Variants in MACROH2A2 observed in about 807,000 individuals in gnomAD.
MACROH2A2 encodes the protein core histone macro-H2A.2.
MACROH2A2 carries 6 observed loss-of-function variants against 37.6 expected under a neutral mutation model. The observed-to-expected ratio is 0.16, with a 90% CI of 0.09 to 0.32. The LOEUF (loss-of-function observed/expected upper bound fraction) is 0.32. MACROH2A2 is among the 10% of genes least tolerant of loss of function. The pLI is 1.00. For synonymous variants in MACROH2A2, 192 were observed against 202.7 expected, an observed-to-expected ratio of 0.95 and a Z score of 0.45; for missense variants, 290 against 485.9, an observed-to-expected ratio of 0.60 and a Z score of 3.79.
chr10:70,095,854 G>T, intron 6 of MACROH2A2, 101 bp downstream of exon 6: 1 of 656,642 alleles, frequency 1.5e-6, no homozygotes, highest in Non-Finnish European at 2.8e-6. Context: ...CCTCCGCTGG[G>T]GTCCCATGTC....
Position 70,109,178 on chromosome 10 carries a change from C to G in MACROH2A2, c.924C>G (p.Ser308=), listed in dbSNP as rs114660578. 3.9e-3 allele frequency: 6,365 copies of G among 1,614,090 alleles called. 18 individuals are homozygous for G. Among genetic ancestry groups the G allele is most frequent in the Non-Finnish European group, 4.6e-3 (5,453 of 1,179,954 alleles). The change falls in exon 8 of 9, where the codon TCC becomes TCG. Residue 308 remains serine, a synonymous_variant. Transcript: ENST00000373255. ...CGGCGGAGGACAAGAAGCTAAAGTC[C>G]GTCGCGTTCCCGCCTTTCCCCAGCG... is the stretch of plus-strand genomic sequence containing the variant. ...LSAAEDKKLK[S]VAFPPFPSGR...
At chr10:70,070,114 C>T (rs2072100579) in intron 1 of MACROH2A2, among the ~76,000 whole-genome samples, 2 of 152,162 alleles carry the variant, frequency 1.3e-5, no homozygotes, top group South Asian at 4.1e-4. Context: ...TGTCCAGGGA[C>T]CTCACAGCCC....
At chr10:70,081,714 G>C (rs1017870099) in intron 2 of MACROH2A2, among the ~76,000 whole-genome samples, 2 of 152,108 alleles carry the variant, frequency 1.3e-5, no homozygotes, top group African/African-American at 2.4e-5. Context: ...GGAGACAGAG[G>C]GGGTGGGGAC....
intron 2 of MACROH2A2, among the ~76,000 whole-genome samples, chr10:70,077,490 A>C (rs2072146464): frequency 6.6e-6 from 1 of 152,140 alleles, no homozygotes; most frequent in Admixed American, 6.5e-5. Context: ...CTGAGGCAGG[A>C]GAATCACTTG....
At chr10:70,058,421 A>C (rs1468631540) in intron 1 of MACROH2A2, among the ~76,000 whole-genome samples, 1 of 152,248 alleles carries the variant, frequency 6.6e-6, no homozygotes, top group African/African-American at 2.4e-5. Context: ...GAAGGGTTAG[A>C]TACACTGACC....
At chr10:70,070,707 C>A (rs1454802868) in intron 1 of MACROH2A2, among the ~76,000 whole-genome samples, 4 of 152,118 alleles carry the variant, frequency 2.6e-5, no homozygotes, top group African/African-American at 9.7e-5. Context: ...TGCCCAGGCT[C>A]AAACTCCTGA....
intron 1 of MACROH2A2, among the ~76,000 whole-genome samples, chr10:70,074,613 G>T (rs1347932701): frequency 2.0e-5 from 3 of 152,186 alleles, no homozygotes; most frequent in Non-Finnish European, 4.4e-5. Context: ...CCTGGTGGGA[G>T]ATAATTGAAT....
intron 1 of MACROH2A2, among the ~76,000 whole-genome samples, chr10:70,054,870 A>T (rs567277176): frequency 7.6e-4 from 116 of 152,284 alleles, no homozygotes; most frequent in African/African-American, 2.6e-3. Context: ...AAACATGCCC[A>T]GTTCTCCTCT....
At chr10:70,066,457 T>C (rs1242685470) in intron 1 of MACROH2A2, among the ~76,000 whole-genome samples, 1 of 152,128 alleles carries the variant, frequency 6.6e-6, no homozygotes, top group East Asian at 1.9e-4. Flanking sequence ...ACAGAGAAGA[T>C]AGGTCCCAGA....
intron 4 of MACROH2A2, among the ~76,000 whole-genome samples, chr10:70,092,422 G>A (rs559717650): frequency 9.2e-5 from 14 of 152,218 alleles, no homozygotes; most frequent in African/African-American, 3.4e-4. Flanking sequence ...GACAGCGCAA[G>A]ACCCTGTCTC....
At chr10:70,105,268 G>T (rs985688310) in intron 7 of MACROH2A2, among the ~76,000 whole-genome samples, 2 of 152,206 alleles carry the variant, frequency 1.3e-5, no homozygotes, top group Admixed American at 6.5e-5. Flanking sequence ...GCTGTCGGGC[G>T]CAGGCATCAG....
chr10:70,075,910 A>T lies in MACROH2A2; in HGVS notation c.172+80A>T. ...GGTCCCCCTCGCAGGCTGGGGAGGGATGCTCCAAATTGCCTTTTGGCTGGC... is the reference window on the plus strand; with the variant it reads ...GGTCCCCCTCGCAGGCTGGGGAGGGTTGCTCCAAATTGCCTTTTGGCTGGC... On this transcript the variant is annotated intron_variant, in intron 2 of 8. Coordinates refer to ENST00000373255, the MANE Select transcript of MACROH2A2 (RefSeq NM_018649.3). The surrounding 1 kb of genome is among the most constrained non-coding windows in gnomAD (Gnocchi z 5.0). The T allele has an allele frequency of 8.1e-7, 1 of 1,228,326 alleles. No individual in the cohort carries two copies. The highest frequency in any genetic ancestry group is 1.5e-5 in the African/African-American group (1 of 67,120). The allele number at this position is 1,228,326 out of a possible 1,614,324, so 76.1% of individuals were successfully genotyped here. A position where few individuals can be genotyped will look rare whatever the true frequency, so the allele number is the denominator to read the frequency against.
chr10:70,071,759 T>C (rs1204178408), intron 1 of MACROH2A2, among the ~76,000 whole-genome samples: 2 of 152,142 alleles, frequency 1.3e-5, no homozygotes, highest in Admixed American at 6.5e-5. Flanking sequence ...TGATGGTAAG[T>C]TTTTGTGTCT....
Position 70,070,012 on chromosome 10 carries a change from G to A in MACROH2A2, c.-59-5588G>A, listed in dbSNP as rs575267530. On this transcript the variant is annotated intron_variant, in intron 1 of 8. Coordinates refer to ENST00000373255, the MANE Select transcript of MACROH2A2 (RefSeq NM_018649.3). ...CAGAGGCTCAGCACTTCCTCCCGTC[G>A]GTGGGCTCTGGTAGATGTAACATGT... Among the ~76,000 whole-genome samples the A allele has an allele frequency of 2.8e-4, 43 of 152,240 alleles. No homozygotes were observed. In the South Asian group the frequency reaches 4.2e-3, roughly 15 times the overall value.
rs1170394309 is a variant in MACROH2A2 at position 70,107,218 on chromosome 10, C to T, written c.779-1815C>T. ...TGGAAGGCAGGGAGCCTACAGCCTC[C>T]CCTGATGGACGAAGGGGTCCCTTGG... is the stretch of plus-strand genomic sequence containing the variant. On this transcript the variant is annotated intron_variant, in intron 7 of 8. Transcript: ENST00000373255. This position sits in a 1 kb window ranked among gnomAD's most constrained non-coding sequence, Gnocchi z 4.4. Among the ~76,000 whole-genome samples, 1 of 152,172 alleles carries T rather than the reference C, an allele frequency of 6.6e-6. No individual in the cohort carries two copies. The highest frequency in any genetic ancestry group is 6.5e-5 in the Admixed American group (1 of 15,282).
At position 70,109,213 on chromosome 10, in the gene MACROH2A2, A is replaced by C; in HGVS notation, c.953+6A>C. On this transcript the variant is annotated splice_donor_region_variant and intron_variant, in intron 8 of 8. Transcript: ENST00000373255. ...CCGCCTTTCCCCAGCGGCAGGTAAGATGCAGTTCCCCTGAGTTGATTCCTC... is the reference window on the plus strand; with the variant it reads ...CCGCCTTTCCCCAGCGGCAGGTAAGCTGCAGTTCCCCTGAGTTGATTCCTC... 2 of 1,612,240 alleles carry C rather than the reference A, an allele frequency of 1.2e-6. No homozygotes were observed. Among genetic ancestry groups the C allele is most frequent in the Non-Finnish European group, 1.7e-6 (2 of 1,178,762 alleles).
rs964550090 is a variant in MACROH2A2, at chr10:70,111,978, A to C, written c.*295A>C. 4.5e-6 allele frequency: 1 copy of C among 220,408 alleles called. No individual in the cohort carries two copies. Among genetic ancestry groups the C allele is most frequent in the African/African-American group, 2.3e-5 (1 of 44,016 alleles). 13.7% of individuals were successfully genotyped at this position (220,408 alleles called of 1,614,324 possible). On this transcript the variant is annotated 3_prime_UTR_variant, in exon 9 of 9. Transcript: ENST00000373255. ...ATAGCATTGACTTTTACACACATTCACACAAGAAAAAAATCCTTTCAAAAT... is the reference window on the plus strand; with the variant it reads ...ATAGCATTGACTTTTACACACATTCCCACAAGAAAAAAATCCTTTCAAAAT...
chr10:70,076,871 G>T (rs979533883), intron 2 of MACROH2A2, among the ~76,000 whole-genome samples: 1 of 151,980 alleles, frequency 6.6e-6, no homozygotes, highest in South Asian at 2.1e-4. Flanking sequence ...GTCCTGCCCT[G>T]CCCTCTTAGT....
At chr10:70,063,562 T>G (rs2072061409) in intron 1 of MACROH2A2, among the ~76,000 whole-genome samples, 1 of 152,214 alleles carries the variant, frequency 6.6e-6, no homozygotes, top group Non-Finnish European at 1.5e-5. Flanking sequence ...ACATTATTAC[T>G]CAATTATAAA....
Sources: allele counts gnomAD v4.1 joint callset (sites outside exome capture counted in the v4.1 genomes callset), GRCh38; gene constraint gnomAD v4.1.1; non-coding constraint Gnocchi (gnomAD v3.1); transcripts MANE v1.5; gene names NCBI Gene and HGNC (gene_info 2026-07-23, HGNC 2026-07-21).